Variants in PTPN20 observed in about 807,000 individuals in gnomAD.
PTPN20 encodes the protein protein tyrosine phosphatase non-receptor type 20, also known as tyrosine-protein phosphatase non-receptor type 20.
In PTPN20, 9 loss-of-function variants were observed where a neutral mutation model predicts 35.0. The ratio of observed to expected loss-of-function variants is 0.26; its 90% CI spans 0.15 to 0.45. The LOEUF (loss-of-function observed/expected upper bound fraction) is 0.45, where lower values mean the gene tolerates loss of function less well. PTPN20 is among the 20% of genes least tolerant of loss of function. The pLI is 1.00. For synonymous variants in PTPN20, 32 were observed against 100.2 expected, an observed-to-expected ratio of 0.32 and a Z score of 4.06; for missense variants, 111 against 312.5, an observed-to-expected ratio of 0.36 and a Z score of 4.86.
chr10:46,995,333 CTTTTTTTTTTTTTT>C (rs878968027), intron 9 of PTPN20, among the ~76,000 whole-genome samples: 1 of 85,658 alleles, frequency 1.2e-5, no homozygotes, highest in Non-Finnish European at 2.2e-5. Flanking sequence ...TTTTTTTTTT[CTTTTTTTTTTTTTT>C]TTTTTTGGTG....
At chr10:46,966,597 TTTCTC>T (rs1201662755) in intron 6 of PTPN20, among the ~76,000 whole-genome samples, 1 of 129,360 alleles carries the variant, frequency 7.7e-6, no homozygotes, top group African/African-American at 3.0e-5. Flanking sequence ...TCTCCTGGAA[TTTCTC>T]TTGAGTGAGG....
At chr10:46,998,200 C>T in intron 9 of PTPN20, among the ~76,000 whole-genome samples, 1 of 152,126 alleles carries the variant, frequency 6.6e-6, no homozygotes, top group Admixed American at 6.5e-5. Context: ...ATTATATTCA[C>T]AGTAGCCAAA....
intron 10 of PTPN20, among the ~76,000 whole-genome samples, chr10:47,000,374 T>A (rs2059896066): frequency 6.6e-6 from 1 of 152,216 alleles, no homozygotes. Flanking sequence ...ACATCATTTA[T>A]GTCACAGATT....
intron 1 of PTPN20, among the ~76,000 whole-genome samples, chr10:46,915,500 G>A (rs1413616122): frequency 1.8e-3 from 1 of 556 alleles, no homozygotes; most frequent in East Asian, 0.024. Flanking sequence ...TTTTTTCAGT[G>A]ATTCTCAACT....
chr10:46,999,505 G>T (rs1054945217), intron 9 of PTPN20, among the ~76,000 whole-genome samples: 8 of 152,148 alleles, frequency 5.3e-5, no homozygotes, highest in African/African-American at 1.9e-4. Context: ...ATCTAGTGTT[G>T]GGTCGACTGT....
intron 9 of PTPN20, among the ~76,000 whole-genome samples, chr10:46,993,587 A>G (rs1555178513): frequency 6.6e-6 from 1 of 152,340 alleles, no homozygotes; most frequent in African/African-American, 2.4e-5. Context: ...GTGGATCTCA[A>G]TAAGCTATTT....
At chr10:47,002,474 G>T (rs1305529537), downstream of PTPN20, 1 of 151,940 alleles carries the variant, frequency 6.6e-6, no homozygotes, top group Non-Finnish European at 1.5e-5. Context: ...AATTAAAGGA[G>T]TGAATATGGA....
At chr10:46,939,988 A>G (rs1483277421) in intron 2 of PTPN20, among the ~76,000 whole-genome samples, 1 of 152,190 alleles carries the variant, frequency 6.6e-6, no homozygotes, top group East Asian at 1.9e-4. Flanking sequence ...ATGGTATGAG[A>G]AACAGTACTC....
In PTPN20 at chr10:46,940,726, A is replaced by G; in HGVS notation, c.129+9A>G. 1 of 1,603,210 alleles carries G rather than the reference A, an allele frequency of 6.2e-7. No individual in the cohort carries two copies. On this transcript the variant is annotated intron_variant, in intron 3 of 10. Coordinates refer to ENST00000374339, the MANE Select transcript of PTPN20 (RefSeq NM_001042357.5). ...ACACACCTAGATCAAAGGTAAGACT[A>G]AAAGGAGAGGGATCTCTACTAATTT...
chr10:47,002,956 A>G (rs1316874551), downstream of PTPN20, among the ~76,000 whole-genome samples: 1 of 152,034 alleles, frequency 6.6e-6, no homozygotes, highest in Admixed American at 6.6e-5. Flanking sequence ...TAAAAAGTCT[A>G]AAGCAAAATA....
chr10:46,951,605 T>G (rs2046693745), intron 5 of PTPN20, among the ~76,000 whole-genome samples: 1 of 152,060 alleles, frequency 6.6e-6, no homozygotes, highest in African/African-American at 2.4e-5. Flanking sequence ...CGAATCTATC[T>G]GCAGTTTATT....
chr10:46,994,003 C>T (rs1187078688), intron 9 of PTPN20, among the ~76,000 whole-genome samples: 2 of 152,114 alleles, frequency 1.3e-5, no homozygotes, highest in Non-Finnish European at 2.9e-5. Context: ...GCTGTTGAAT[C>T]CTCAGATTTT....
chr10:46,911,626 T>C (rs2032038773), intron 1 of PTPN20, 125 bp downstream of exon 1: 1 of 162,776 alleles, frequency 6.1e-6, no homozygotes, highest in Non-Finnish European at 1.2e-5. Flanking sequence ...AAGGCGTGGG[T>C]TGTGGCCCTG....
At chr10:46,928,470 T>G (rs1380621310) in intron 1 of PTPN20, among the ~76,000 whole-genome samples, 1 of 152,148 alleles carries the variant, frequency 6.6e-6, no homozygotes, top group Non-Finnish European at 1.5e-5. Flanking sequence ...TCCTTCCCAA[T>G]ATGAATCCTT....
rs2050060036 is a variant in PTPN20, at chr10:46,963,767, A to G, written c.341-1219A>G. Reference sequence around the variant, plus strand: ...GTAGAATCGGTGTTGGGGAGTCAACACCAGTGTTTGTTACAGTCATTCTAC... The same window carrying G: ...GTAGAATCGGTGTTGGGGAGTCAACGCCAGTGTTTGTTACAGTCATTCTAC... On this transcript the variant is annotated intron_variant, in intron 5 of 10. Coordinates refer to ENST00000374339, the MANE Select transcript of PTPN20 (RefSeq NM_001042357.5). 2.2e-5 allele frequency among the ~76,000 whole-genome samples: 2 copies of G among 90,908 alleles called. 1 individual carries two copies. The highest frequency in any genetic ancestry group is 9.3e-4 in the South Asian group (2 of 2,148). The allele number at this position is 90,908 out of a possible 152,430, so 59.6% of individuals were successfully genotyped here. A position where few individuals can be genotyped will look rare whatever the true frequency, so the allele number is the denominator to read the frequency against.
Position 46,929,576 on chromosome 10 carries a change from T to A in PTPN20, c.-123-2801T>A, listed in dbSNP as rs1333415158. ...ACATTCTTTATGGAATTTAACTAAT[T>A]AGTCCCTCAAACATTTCTTGCCATG... On this transcript the variant is annotated intron_variant, in intron 1 of 10. Coordinates refer to ENST00000374339, the MANE Select transcript of PTPN20 (RefSeq NM_001042357.5). 1.3e-4 allele frequency among the ~76,000 whole-genome samples: 19 copies of A among 151,738 alleles called. No individual in the cohort carries two copies. The South Asian group carries it at 3.9e-3, about 31-fold the overall frequency.
rs894525595 is a variant in PTPN20 at position 47,000,834 on chromosome 10, A to T, written c.*93A>T. On this transcript the variant is annotated 3_prime_UTR_variant, in exon 11 of 11. Coordinates refer to ENST00000374339, the MANE Select transcript of PTPN20 (RefSeq NM_001042357.5). ...TTGCACTGTGCTGAAGGGCTTTGCTATGCATACAATCTGCTTTCTTGGTTT... is the reference window on the plus strand; with the variant it reads ...TTGCACTGTGCTGAAGGGCTTTGCTTTGCATACAATCTGCTTTCTTGGTTT... 2 of 1,438,448 alleles carry T rather than the reference A, an allele frequency of 1.4e-6. No individual in the cohort carries two copies. Among genetic ancestry groups the T allele is most frequent in the African/African-American group, 1.4e-5 (1 of 71,380 alleles). The allele number at this position is 1,438,448 out of a possible 1,614,324, so 89.1% of individuals were successfully genotyped here.
chr10:46,922,647 A>G (rs1384498028), intron 1 of PTPN20, among the ~76,000 whole-genome samples: 1 of 135,348 alleles, frequency 7.4e-6, no homozygotes, highest in Admixed American at 7.1e-5. Flanking sequence ...TCCAGGAAAC[A>G]TACTCCCGAA....
At chr10:46,967,146 C>T (rs2050910087) in intron 6 of PTPN20, among the ~76,000 whole-genome samples, 4 of 145,260 alleles carry the variant, frequency 2.8e-5, no homozygotes, top group African/African-American at 1.1e-4. Flanking sequence ...TCCATTATTT[C>T]CACCCCTTCA....
Sources: allele counts gnomAD v4.1 joint callset (sites outside exome capture counted in the v4.1 genomes callset), GRCh38; gene constraint gnomAD v4.1.1; transcripts MANE v1.5; gene names NCBI Gene and HGNC (gene_info 2026-07-23, HGNC 2026-07-21).